The following PAK3 variants were observed in gnomAD, a reference collection of about 807,000 sequenced individuals.
PAK3 encodes the protein serine/threonine-protein kinase PAK 3.
A neutral mutation model predicts 41.0 loss-of-function variants in PAK3; 4 were observed. That is an observed-to-expected ratio of 0.10 (90% CI 0.05 to 0.22). The LOEUF (loss-of-function observed/expected upper bound fraction) is 0.22. PAK3 is among the 10% of genes least tolerant of loss of function. The probability of loss-of-function intolerance (pLI) is 1.00; values close to 1 mark genes in which losing one functional copy is unlikely to be tolerated. For missense variants in PAK3, 205 were observed against 409.9 expected (o/e 0.50, Z 4.32); for synonymous variants, 146 against 139.6 (o/e 1.05, Z -0.32).
At chrX:111,119,329 T>C (rs768735726) in intron 4 of PAK3, among the ~76,000 whole-genome samples, 17 of 111,967 alleles carry the variant, frequency 1.5e-4, no homozygotes, top group African/African-American at 5.5e-4. Flanking sequence ...ATGAAATCAG[T>C]CTGTGAGCAG....
chrX:111,017,380 A>G (rs2092108658), intron 1 of PAK3, among the ~76,000 whole-genome samples: 1 of 112,181 alleles, frequency 8.9e-6, no homozygotes, highest in Admixed American at 9.4e-5. Context: ...GAGAAGCCTC[A>G]AGTAACTAAA....
At chrX:111,168,433 AAAG>A (rs1306282038) in intron 10 of PAK3, among the ~76,000 whole-genome samples, 1 of 111,808 alleles carries the variant, frequency 8.9e-6, no homozygotes, top group Non-Finnish European at 1.9e-5. Context: ...AACTAATGGA[AAAG>A]ATCACTTTAA....
rs778115842 is a variant in PAK3, at chrX:111,222,192, G to A, written c.*1745G>A. 8 of 112,009 alleles carry A rather than the reference G, an allele frequency of 7.1e-5. No homozygotes were observed. The East Asian group carries it at 2.0e-3, about 27-fold the overall frequency. The allele number at this position is 112,009 out of a possible 1,213,427, so 9.2% of individuals were successfully genotyped here. On this transcript the variant is annotated 3_prime_UTR_variant, in exon 18 of 18. Transcript: ENST00000372007. Reference sequence around the variant, plus strand: ...AACTTATGTACATTCAGCCAGAAGGGGAAAGAGATCAGTTACATAGGCCTC... The same window carrying A: ...AACTTATGTACATTCAGCCAGAAGGAGAAAGAGATCAGTTACATAGGCCTC...
chrX:111,163,883 C>A (rs1280074330), intron 10 of PAK3, among the ~76,000 whole-genome samples, 156 bp downstream of exon 10: 2 of 111,891 alleles, frequency 1.8e-5, no homozygotes, highest in African/African-American at 6.5e-5. Flanking sequence ...CTGCATATGC[C>A]AGAACACTTT....
chrX:111,182,252 C>G (rs1482972354), intron 11 of PAK3, among the ~76,000 whole-genome samples: 1 of 110,731 alleles, frequency 9.0e-6, no homozygotes, highest in Admixed American at 9.7e-5. Context: ...TCTGGCCTTT[C>G]CAGGGATTAA....
rs752203519 is a variant in PAK3, at chrX:111,220,761, T to C, written c.*314T>C. The C allele has an allele frequency of 3.5e-6, 1 of 283,969 alleles. No individual in the cohort carries two copies. Among genetic ancestry groups the C allele is most frequent in the South Asian group, 6.0e-5 (1 of 16,558 alleles). 23.4% of individuals were successfully genotyped at this position (283,969 alleles called of 1,213,427 possible). A position where few individuals can be genotyped will look rare whatever the true frequency, so the allele number is the denominator to read the frequency against. Reference sequence around the variant, plus strand: ...TTTGAAGAAAAAGGTTTCTCAAAGATGCACACTCCCTCTTCATAGTGTTGT... The same window carrying C: ...TTTGAAGAAAAAGGTTTCTCAAAGACGCACACTCCCTCTTCATAGTGTTGT... On this transcript the variant is annotated 3_prime_UTR_variant, in exon 18 of 18. Coordinates refer to ENST00000372007, the MANE Select transcript of PAK3 (RefSeq NM_002578.5).
chrX:111,195,719 T>C (rs1338961663), intron 14 of PAK3, 123 bp from the exon 15 acceptor site: 1 of 492,574 alleles, frequency 2.0e-6, no homozygotes, highest in Non-Finnish European at 3.5e-6. Flanking sequence ...TGTTAAAGCA[T>C]TCAGTAATCG....
intron 16 of PAK3, among the ~76,000 whole-genome samples, chrX:111,212,414 TC>T (rs1263653008): frequency 9.0e-6 from 1 of 110,881 alleles, no homozygotes; most frequent in Non-Finnish European, 1.9e-5. Context: ...ACTAAGAGAG[TC>T]CCCAGCTTAC....
At chrX:111,216,643 G>A (rs2094882265) in intron 17 of PAK3, 85 bp downstream of exon 17, 1 of 797,657 alleles carries the variant, frequency 1.3e-6, no homozygotes, top group Non-Finnish European at 1.9e-6. Context: ...TCTGTCAAGA[G>A]ATGTCTAGAG....
intron 10 of PAK3, 42 bp downstream of exon 10, chrX:111,163,769 T>C (rs765865469): frequency 9.9e-7 from 1 of 1,013,998 alleles, no homozygotes; most frequent in East Asian, 3.0e-5. Flanking sequence ...ACGGGAGTGT[T>C]TCTCATAAGC....
chrX:111,066,093 C>A (rs915080296), intron 1 of PAK3, among the ~76,000 whole-genome samples: 1 of 111,523 alleles, frequency 9.0e-6, no homozygotes, highest in Non-Finnish European at 1.9e-5. Context: ...CTTCTGGTAG[C>A]TTTGAGGTTA....
intron 1 of PAK3, among the ~76,000 whole-genome samples, chrX:111,051,699 G>C (rs202158456): frequency 1.5e-4 from 1 of 6,485 alleles, no homozygotes; most frequent in African/African-American, 1.6e-4. Flanking sequence ...GTGTGTGTCT[G>C]TGTGTGTGTG....
intron 10 of PAK3, among the ~76,000 whole-genome samples, chrX:111,167,836 C>T (rs1034594261): frequency 1.8e-5 from 2 of 110,759 alleles, no homozygotes; most frequent in African/African-American, 6.6e-5. Flanking sequence ...AACAAAACTG[C>T]ACGTTCTGCA....
At chrX:111,111,819 C>G (rs1345658148) in intron 4 of PAK3, among the ~76,000 whole-genome samples, 2 of 111,687 alleles carry the variant, frequency 1.8e-5, no homozygotes, top group African/African-American at 6.5e-5. Flanking sequence ...AGAAATATAT[C>G]TCTACCCTGA....
Position 111,186,683 on chromosome X carries a change from C to A in PAK3, c.831-5444C>A, listed in dbSNP as rs890945590. On this transcript the variant is annotated intron_variant, in intron 11 of 17. Coordinates refer to ENST00000372007, the MANE Select transcript of PAK3 (RefSeq NM_002578.5). ...TTCAATGCTCATGAATAGGAAGAATCAATATCGTGAAAATGCCCATACTGC... is the reference window on the plus strand; with the variant it reads ...TTCAATGCTCATGAATAGGAAGAATAAATATCGTGAAAATGCCCATACTGC... Among the ~76,000 whole-genome samples the A allele has an allele frequency of 5.4e-5, 6 of 111,531 alleles. No individual in the cohort carries two copies. In the Admixed American group the frequency reaches 5.7e-4, roughly 11 times the overall value.
At chrX:111,099,028 G>T (rs2093068173) in intron 3 of PAK3, among the ~76,000 whole-genome samples, 1 of 111,077 alleles carries the variant, frequency 9.0e-6, no homozygotes, top group Non-Finnish European at 1.9e-5. Context: ...AAAAGGGCCT[G>T]CAGCGACGCG....
upstream of PAK3, among the ~76,000 whole-genome samples, chrX:111,095,132 T>A (rs1424180641): frequency 8.9e-6 from 1 of 111,836 alleles, no homozygotes; most frequent in Non-Finnish European, 1.9e-5. Context: ...GAATAAAAGT[T>A]CACTGGGAAG....
intron 1 of PAK3, among the ~76,000 whole-genome samples, chrX:110,998,307 GAAGA>G (rs2041133585): frequency 8.9e-6 from 1 of 112,041 alleles, no homozygotes; most frequent in African/African-American, 3.2e-5. Context: ...AGAGAAGAAA[GAAGA>G]AAACCAATAG....
intron 5 of PAK3, among the ~76,000 whole-genome samples, chrX:111,134,771 G>A (rs369472442): frequency 9.0e-6 from 1 of 111,415 alleles, no homozygotes; most frequent in Non-Finnish European, 1.9e-5. Context: ...CATAGAACTA[G>A]CCATTAAGGA....
Sources: gnomAD v4.1 joint callset for allele counts (sites outside exome capture counted in the v4.1 genomes callset) on GRCh38, gnomAD v4.1.1 for gene constraint, MANE v1.5 for transcripts, NCBI Gene and HGNC (gene_info 2026-07-23, HGNC 2026-07-21) for gene names.